The following BRINP2 variants were observed in gnomAD, a reference collection of about 807,000 sequenced individuals.
BRINP2 encodes the protein BMP/retinoic acid inducible neural specific 2, also known as BMP/retinoic acid-inducible neural-specific protein 2.
A neutral mutation model predicts 69.2 loss-of-function variants in BRINP2; 21 were observed. The ratio of observed to expected loss-of-function variants is 0.30; its 90% CI spans 0.22 to 0.44. The LOEUF (loss-of-function observed/expected upper bound fraction) is 0.44, where lower values mean the gene tolerates loss of function less well. Ranked by LOEUF, BRINP2 falls within the 20% of genes least tolerant of loss-of-function variation. The pLI is 1.00. For synonymous variants in BRINP2, 380 were observed against 394.1 expected (o/e 0.96, Z 0.42); for missense variants, 877 against 986.0 (o/e 0.89, Z 1.48).
At chr1:177,277,387 G>C (rs72720787) in intron 6 of BRINP2, among the ~76,000 whole-genome samples, 1,934 of 151,962 alleles carry the variant, frequency 0.013, 24 homozygotes, top group Non-Finnish European at 0.022. Flanking sequence ...CTCACATGCA[G>C]TATATTTGGT....
At chr1:177,172,370 T>C (rs1423628637) in intron 1 of BRINP2, among the ~76,000 whole-genome samples, 1 of 152,216 alleles carries the variant, frequency 6.6e-6, no homozygotes, top group South Asian at 2.1e-4. Flanking sequence ...AAAGGTGGGA[T>C]GTGCTGGTAT....
chr1:177,204,530 T>A (rs1161315911), intron 1 of BRINP2, among the ~76,000 whole-genome samples: 1 of 152,116 alleles, frequency 6.6e-6, no homozygotes, highest in East Asian at 1.9e-4. Context: ...AAAATATGTT[T>A]AAGAAAGAGG....
chr1:177,272,999 G>T (rs1319191427), intron 4 of BRINP2, among the ~76,000 whole-genome samples: 1 of 152,174 alleles, frequency 6.6e-6, no homozygotes, highest in East Asian at 1.9e-4. Flanking sequence ...CAGTGCCGAG[G>T]TGGGACTTAA....
chr1:177,281,611 C>T lies in BRINP2; in HGVS notation c.*83C>T. Reference sequence around the variant, plus strand: ...ATAATCTAAGCCCTCACCTTAGTGCCAACAGGGTGTGCTCCCACGAGACTT... The same window carrying T: ...ATAATCTAAGCCCTCACCTTAGTGCTAACAGGGTGTGCTCCCACGAGACTT... On this transcript the variant is annotated 3_prime_UTR_variant, in exon 8 of 8. Coordinates refer to ENST00000361539, the MANE Select transcript of BRINP2 (RefSeq NM_021165.4). 6.8e-7 allele frequency: 1 copy of T among 1,475,568 alleles called. No homozygotes were observed. The highest frequency in any genetic ancestry group is 9.0e-7 in the Non-Finnish European group (1 of 1,109,768). The allele number at this position is 1,475,568 out of a possible 1,614,324, so 91.4% of individuals were successfully genotyped here.
At chr1:177,268,649 G>T (rs1056967770) in intron 4 of BRINP2, among the ~76,000 whole-genome samples, 4 of 152,164 alleles carry the variant, frequency 2.6e-5, no homozygotes, top group Non-Finnish European at 5.9e-5. Flanking sequence ...TGCAGAATTT[G>T]TCACTTTACA....
intron 1 of BRINP2, among the ~76,000 whole-genome samples, chr1:177,178,699 G>A (rs1005247737): frequency 1.1e-4 from 16 of 152,098 alleles, no homozygotes; most frequent in African/African-American, 3.6e-4. Flanking sequence ...GCACCAAGCA[G>A]CAGGGCTGGG....
intron 2 of BRINP2, among the ~76,000 whole-genome samples, chr1:177,233,777 G>T (rs979990728): frequency 2.6e-5 from 4 of 152,222 alleles, no homozygotes; most frequent in African/African-American, 7.2e-5. Context: ...TCAAGCCCTT[G>T]TGTCTAAAGT....
intron 1 of BRINP2, among the ~76,000 whole-genome samples, chr1:177,196,203 G>T (rs1378025540): frequency 1.3e-5 from 2 of 152,150 alleles, no homozygotes; most frequent in African/African-American, 2.4e-5. Context: ...TAACTCAGTT[G>T]GTTCAACCCA....
intron 4 of BRINP2, among the ~76,000 whole-genome samples, chr1:177,267,312 G>A (rs550937762): frequency 4.6e-5 from 7 of 152,294 alleles, no homozygotes; most frequent in East Asian, 1.9e-4. Context: ...GTTGAAATAC[G>A]TGTCACTACT....
rs149507520 is a variant in BRINP2 at position 177,179,746 on chromosome 1, G to A, written c.-77+8014G>A. Among the ~76,000 whole-genome samples the A allele has an allele frequency of 5.9e-5, 9 of 152,232 alleles. No homozygotes were observed. In the East Asian group the frequency reaches 1.7e-3, roughly 29 times the overall value. On this transcript the variant is annotated intron_variant, in intron 1 of 7. Transcript: ENST00000361539. Reference sequence around the variant, plus strand: ...GACAACCCAGAGGCATGAGTAAAAGGGGAAAAGAAAATTATTTTTTAACAA... The same window carrying A: ...GACAACCCAGAGGCATGAGTAAAAGAGGAAAAGAAAATTATTTTTTAACAA...
chr1:177,188,903 C>T (rs1648508053), intron 1 of BRINP2, among the ~76,000 whole-genome samples: 1 of 152,054 alleles, frequency 6.6e-6, no homozygotes, highest in South Asian at 2.1e-4. Flanking sequence ...TAAAACTCAC[C>T]CTATTCACCC....
At chr1:177,180,931 T>A (rs943929802) in intron 1 of BRINP2, among the ~76,000 whole-genome samples, 3 of 152,210 alleles carry the variant, frequency 2.0e-5, no homozygotes. Context: ...TTCTCAGTAA[T>A]TGAAAATGCA....
intron 1 of BRINP2, among the ~76,000 whole-genome samples, chr1:177,184,397 T>A (rs556541195): frequency 6.6e-6 from 1 of 152,058 alleles, no homozygotes; most frequent in South Asian, 2.1e-4. Flanking sequence ...CCACCCCAAC[T>A]CTCAGGATAG....
intron 5 of BRINP2, among the ~76,000 whole-genome samples, chr1:177,274,119 G>A (rs1202453664): frequency 2.0e-5 from 3 of 152,148 alleles, no homozygotes; most frequent in Admixed American, 2.0e-4. Context: ...CTTGCACATG[G>A]GCAATTCAAA....
intron 1 of BRINP2, among the ~76,000 whole-genome samples, chr1:177,181,245 C>T (rs1407463854): frequency 6.6e-6 from 1 of 152,242 alleles, no homozygotes; most frequent in East Asian, 1.9e-4. Flanking sequence ...GAACAAGTGC[C>T]TTGCTCAAAG....
At chr1:177,245,275 C>A (rs183932462) in intron 2 of BRINP2, among the ~76,000 whole-genome samples, 1 of 151,618 alleles carries the variant, frequency 6.6e-6, no homozygotes, top group Non-Finnish European at 1.5e-5. Context: ...AAAGAAAGAA[C>A]GTTGACAAGC....
At chr1:177,204,474 A>G (rs1169909798) in intron 1 of BRINP2, among the ~76,000 whole-genome samples, 1 of 151,906 alleles carries the variant, frequency 6.6e-6, no homozygotes, top group Non-Finnish European at 1.5e-5. Flanking sequence ...AGGAGTGGCC[A>G]CAGAACAAGC....
intron 2 of BRINP2, 90 bp downstream of exon 2, chr1:177,230,235 G>T (rs1649826631): frequency 7.1e-7 from 1 of 1,403,664 alleles, no homozygotes; most frequent in Middle Eastern, 2.0e-4. Context: ...CCCCTAAACA[G>T]GCTGGAATGC....
At chr1:177,215,439 A>ATT (rs950180568) in intron 1 of BRINP2, among the ~76,000 whole-genome samples, 1 of 151,946 alleles carries the variant, frequency 6.6e-6, no homozygotes, top group African/African-American at 2.4e-5. Flanking sequence ...TTTACTCCTA[A>ATT]TTTTTTTATA....
Sources: gnomAD v4.1 joint callset for allele counts (sites outside exome capture counted in the v4.1 genomes callset) on GRCh38, gnomAD v4.1.1 for gene constraint, MANE v1.5 for transcripts, NCBI Gene and HGNC (gene_info 2026-07-23, HGNC 2026-07-21) for gene names.